METTL6: variants seen among roughly 807,000 people sequenced by gnomAD.
The protein encoded by METTL6 is methyltransferase 6, tRNA N3-cytidine.
Under a neutral mutation model 26.4 loss-of-function variants are expected in METTL6, and 22 were observed. That is an observed-to-expected ratio of 0.83 (90% CI 0.59 to 1.19). The LOEUF (loss-of-function observed/expected upper bound fraction) is 1.19, where lower values mean the gene tolerates loss of function less well. METTL6 is among the 50% of genes most tolerant of loss of function. The pLI is 0.00. For missense variants in METTL6, 304 were observed against 324.8 expected (o/e 0.94, Z 0.49); for synonymous variants, 109 against 116.2 (o/e 0.94, Z 0.40).
chr3:15,384,483 GTAAT>G (rs1316641003), intron 6 of METTL6: 1 of 166,660 alleles, frequency 6.0e-6, no homozygotes, highest in African/African-American at 2.4e-5. Context: ...GCTCACACCT[GTAAT>G]TTCAGCACTT....
At chr3:15,382,030 G>GAACT (rs1298350288) in exon 7 of METTL6, 1 of 151,268 alleles carries the variant, frequency 6.6e-6, no homozygotes, top group Non-Finnish European at 1.5e-5. Flanking sequence ...GGAATCCCTG[G>GAACT]AACTAACATT....
intron 3 of METTL6, among the ~76,000 whole-genome samples, chr3:15,419,994 T>C (rs1474057262): frequency 6.6e-6 from 1 of 151,906 alleles, no homozygotes; most frequent in Non-Finnish European, 1.5e-5. Flanking sequence ...CCCGAGTAGC[T>C]GGGACTACAG....
chr3:15,388,719 A>T (rs1168677366), intron 6 of METTL6, among the ~76,000 whole-genome samples: 1 of 152,238 alleles, frequency 6.6e-6, no homozygotes, highest in Admixed American at 6.5e-5. Context: ...TCTTGTGGCT[A>T]GTTTCTTAGT....
At chr3:15,414,750 C>A in intron 4 of METTL6, 1 of 426,242 alleles carries the variant, frequency 2.3e-6, no homozygotes, top group East Asian at 7.6e-5. Flanking sequence ...TAGTGAGACC[C>A]CATCTCTACA....
downstream of METTL6, among the ~76,000 whole-genome samples, chr3:15,407,486 C>T (rs1323946024): frequency 2.0e-5 from 3 of 152,216 alleles, no homozygotes; most frequent in Non-Finnish European, 4.4e-5. Flanking sequence ...CAAAGGAAGA[C>T]GACTTCATCA....
Position 15,425,095 on chromosome 3 carries a change from G to A in METTL6, c.226-6C>T. 6.2e-7 allele frequency: 1 copy of A among 1,613,822 alleles called. No individual in the cohort carries two copies. The highest frequency in any genetic ancestry group is 8.5e-7 in the Non-Finnish European group (1 of 1,179,938). On this transcript the variant is annotated splice_region_variant and splice_polypyrimidine_tract_variant and intron_variant, in intron 2 of 5. Transcript: ENST00000383790. ...GTTAACTTTTGATCTTCAAACTGGG[G>A]AAAGACAGCTCAAAGTTATAGTATA...
At chr3:15,400,590 T>G (rs73142284) in intron 6 of METTL6, among the ~76,000 whole-genome samples, 5 of 152,190 alleles carry the variant, frequency 3.3e-5, no homozygotes, top group Admixed American at 2.0e-4. Flanking sequence ...CAGGTTGAAA[T>G]AGCATTTCTA....
chr3:15,399,051 T>A (rs961296773), intron 6 of METTL6, among the ~76,000 whole-genome samples: 1 of 152,054 alleles, frequency 6.6e-6, no homozygotes, highest in Non-Finnish European at 1.5e-5. Flanking sequence ...GCGCATTACA[T>A]GATAATTAAA....
chr3:15,401,999 G>C (rs938424307), intron 6 of METTL6, among the ~76,000 whole-genome samples: 5 of 152,052 alleles, frequency 3.3e-5, no homozygotes, highest in South Asian at 2.1e-4. Context: ...AACTCGCCCC[G>C]AATTCTTTCT....
rs201996162 is a variant in METTL6 at position 15,413,822 on chromosome 3, A to G, written c.673+199T>C. On this transcript the variant is annotated intron_variant, in intron 5 of 5. Transcript: ENST00000383790. ...ATTAGGGGAGTCACTGACACCAGAG[A>G]AGGCTTGTGAGCTCTTCAAGGGCAG... 29 of 1,493,730 alleles carry G rather than the reference A, an allele frequency of 1.9e-5. No homozygotes were observed. The East Asian group carries it at 6.4e-4, about 33-fold the overall frequency. The allele number at this position is 1,493,730 out of a possible 1,614,324, so 92.5% of individuals were successfully genotyped here.
At chr3:15,396,637 T>C (rs779467478) in intron 6 of METTL6, among the ~76,000 whole-genome samples, 2 of 152,202 alleles carry the variant, frequency 1.3e-5, no homozygotes, top group African/African-American at 4.8e-5. Flanking sequence ...ACCTTTGGTC[T>C]TTGATGATGG....
chr3:15,402,190 C>A (rs1047725669), intron 6 of METTL6, among the ~76,000 whole-genome samples: 3 of 152,168 alleles, frequency 2.0e-5, no homozygotes, highest in African/African-American at 7.2e-5. Context: ...AGAAACTGCA[C>A]TGGGGAGAGA....
chr3:15,401,490 T>C (rs1321806493), intron 6 of METTL6, among the ~76,000 whole-genome samples: 2 of 137,956 alleles, frequency 1.4e-5, no homozygotes, highest in South Asian at 2.2e-4. Flanking sequence ...TACAATGTTA[T>C]GTACAAAGCC....
At chr3:15,417,853 A>T (rs2061522307) in intron 3 of METTL6, among the ~76,000 whole-genome samples, 1 of 152,196 alleles carries the variant, frequency 6.6e-6, no homozygotes, top group Non-Finnish European at 1.5e-5. Context: ...AGAACATTAG[A>T]GAACGACCCC....
At chr3:15,401,011 C>T (rs909416554) in intron 6 of METTL6, among the ~76,000 whole-genome samples, 6 of 152,016 alleles carry the variant, frequency 3.9e-5, no homozygotes, top group African/African-American at 1.2e-4. Flanking sequence ...TACAGTCACA[C>T]ACCACCACAC....
At chr3:15,381,338 T>C (rs1207048252) in exon 7 of METTL6, 1 of 152,132 alleles carries the variant, frequency 6.6e-6, no homozygotes, top group Non-Finnish European at 1.5e-5. Context: ...AAGAGTAGTG[T>C]CCTGAAGAAC....
chr3:15,395,510 A>G (rs1296080421), intron 6 of METTL6, among the ~76,000 whole-genome samples: 1 of 151,830 alleles, frequency 6.6e-6, no homozygotes, highest in Non-Finnish European at 1.5e-5. Flanking sequence ...TTTAAGGTTA[A>G]TATGGTTATG....
chr3:15,404,602 C>T (rs1337091375), intron 6 of METTL6, among the ~76,000 whole-genome samples: 2 of 151,394 alleles, frequency 1.3e-5, no homozygotes, highest in Admixed American at 6.6e-5. Context: ...CCGCCTGCCT[C>T]GGCCTCCCAA....
Position 15,426,587 on chromosome 3 carries a change from T to C in METTL6, c.-76A>G. 1 of 1,340,916 alleles carries C rather than the reference T, an allele frequency of 7.5e-7. No individual in the cohort carries two copies. Among genetic ancestry groups the C allele is most frequent in the Non-Finnish European group, 1.0e-6 (1 of 957,794 alleles). The allele number at this position is 1,340,916 out of a possible 1,614,324, so 83.1% of individuals were successfully genotyped here. A position where few individuals can be genotyped will look rare whatever the true frequency, so the allele number is the denominator to read the frequency against. On this transcript the variant is annotated 5_prime_UTR_variant, in exon 2 of 6. Transcript: ENST00000383790. ...AATAATATGAATCCACGCTAATGGATCAGATACATTTCCTGAGGTGAGTTT... is the reference window on the plus strand; with the variant it reads ...AATAATATGAATCCACGCTAATGGACCAGATACATTTCCTGAGGTGAGTTT...
Sources: allele counts gnomAD v4.1 joint callset (sites outside exome capture counted in the v4.1 genomes callset), GRCh38; gene constraint gnomAD v4.1.1; transcripts MANE v1.5; gene names NCBI Gene and HGNC (gene_info 2026-07-23, HGNC 2026-07-21).